Variants in HSPA1L observed in about 807,000 individuals in gnomAD.
HSPA1L encodes heat shock protein family A (Hsp70) member 1 like, also known as heat shock 70 kDa protein 1-like.
In HSPA1L, 21 loss-of-function variants were observed where a neutral mutation model predicts 31.5. The observed-to-expected ratio is 0.67, with a 90% CI of 0.47 to 0.96. The LOEUF is 0.96. Ranked by LOEUF, HSPA1L falls within the 40% of genes least tolerant of loss-of-function variation. The pLI, the probability that HSPA1L is intolerant of heterozygous loss-of-function variation, is 0.00. For synonymous variants in HSPA1L, 293 were observed against 323.1 expected (o/e 0.91, Z 1.00); for missense variants, 709 against 813.4 (o/e 0.87, Z 1.56).
Position 31,810,459 on chromosome 6 carries a change from ATGG to A in HSPA1L, c.1511_1513del (p.Thr504del), listed in dbSNP as rs1815327260. 21 of 1,613,922 alleles carry A rather than the reference ATGG, an allele frequency of 1.3e-5. No homozygotes were observed. The highest frequency in any genetic ancestry group is 1.8e-5 in the Non-Finnish European group (21 of 1,179,930). ...GCTCAGGCGGCCCTTGTCATTGGTG[ATGG>A]TGATCTTGTTCACCTTGCCGGTGCT... On this transcript the variant is annotated inframe_deletion, in exon 2 of 2. Transcript: ENST00000375654.
Position 31,811,094 on chromosome 6 carries a change from A to T in HSPA1L, c.879T>A (p.Ile293=). 6.2e-7 allele frequency: 1 copy of T among 1,614,202 alleles called. No individual in the cohort carries two copies. The highest frequency in any genetic ancestry group is 8.5e-7 in the Non-Finnish European group (1 of 1,180,034). The change falls in exon 2 of 2, where the codon ATT becomes ATA. Residue 293 remains isoleucine (I), a synonymous_variant. Coordinates refer to ENST00000375654, the MANE Select transcript of HSPA1L (RefSeq NM_005527.4). ...CTCTGGTGATGGATGTATAGAAGTC[A>T]ATGCCTTCATAAAGTGAATCAATTT... ...NLEIDSLYEG[I]DFYTSITRAR...
In HSPA1L at chr6:31,810,333, T is replaced by C. The variant is rs146531367; in HGVS notation, c.1640A>G (p.Tyr547Cys). 6.3e-7 allele frequency: 1 copy of C among 1,597,570 alleles called. No individual in the cohort carries two copies. Among genetic ancestry groups the C allele is most frequent in the African/African-American group, 1.3e-5 (1 of 74,258 alleles). Residue 547 changes from tyrosine to cysteine, a missense_variant, in exon 2 of 2, where the codon TAT becomes TGT. Physicochemically the swap from Tyr to Cys is radical, Grantham distance 194. Transcript: ENST00000375654. Reference sequence around the variant, plus strand: ...CACAACACTCTTCATGTTAAAAGCATAGGATTCTAAGGCATTCTTTGCAGC... The same window carrying C: ...CACAACACTCTTCATGTTAAAAGCACAGGATTCTAAGGCATTCTTTGCAGC... ...KIAAKNALES[Y>C]AFNMKSVVSD...
At position 31,810,996 on chromosome 6, in the gene HSPA1L, G is replaced by C. The variant is rs780995765; in HGVS notation, c.977C>G (p.Ala326Gly). The C allele has an allele frequency of 3.1e-6, 5 of 1,614,038 alleles. No homozygotes were observed. In the South Asian group the frequency reaches 3.3e-5, roughly 11 times the overall value. Residue 326 changes from alanine (A) to glycine (G), a missense_variant, in exon 2 of 2, where the codon GCC (alanine) becomes GGC (glycine). Ala to Gly is a moderately conservative substitution (Grantham distance 60). Transcript: ENST00000375654. Reference sequence around the variant, plus strand: ...ATGGATTTTAGCCTTATCCATCTTGGCATCCCGAAGCGCTTTTTCTACAGG... The same window carrying C: ...ATGGATTTTAGCCTTATCCATCTTGCCATCCCGAAGCGCTTTTTCTACAGG... ...LEPVEKALRDAKMDKAKIHDI... is the reference protein window; with the variant it reads ...LEPVEKALRDGKMDKAKIHDI...
Position 31,810,263 on chromosome 6 carries a change from ATTTTT to A in HSPA1L, c.1705_1709del (p.Lys569Ter), listed in dbSNP as rs567637853. 185 of 1,527,912 alleles carry A rather than the reference ATTTTT, an allele frequency of 1.2e-4. 1 individual carries two copies. In the South Asian group the frequency reaches 2.3e-3, roughly 19 times the overall value. 94.6% of individuals were successfully genotyped at this position (1,527,912 alleles called of 1,614,324 possible). On this transcript the variant is annotated frameshift_variant, in exon 2 of 2. Transcript: ENST00000375654. LOFTEE classifies it high-confidence loss of function. The stretch of plus-strand genomic sequence containing the variant: ...GCTCGTTGCATTTATCCAATATTTT[ATTTTT>A]ATCAGACTCACTAATCTTGCCCTTC...
chr6:31,810,015 G>A lies in HSPA1L; in HGVS notation c.*32C>T. The A allele has an allele frequency of 7.3e-7, 1 of 1,363,488 alleles. No individual in the cohort carries two copies. Among genetic ancestry groups the A allele is most frequent in the Non-Finnish European group, 9.6e-7 (1 of 1,046,528 alleles). 84.5% of individuals were successfully genotyped at this position (1,363,488 alleles called of 1,614,324 possible). A position where few individuals can be genotyped will look rare whatever the true frequency, so the allele number is the denominator to read the frequency against. The stretch of plus-strand genomic sequence containing the variant: ...ATGAGGGGAATGAAATACATGTAGA[G>A]GCATCCTAGGATGCTTCAGTTCTAA... On this transcript the variant is annotated 3_prime_UTR_variant, in exon 2 of 2. Coordinates refer to ENST00000375654, the MANE Select transcript of HSPA1L (RefSeq NM_005527.4).
In HSPA1L at chr6:31,814,897, C is replaced by T. The variant is rs2151468087; in HGVS notation, c.-22G>A. 2 of 985,612 alleles carry T rather than the reference C, an allele frequency of 2.0e-6. No homozygotes were observed. The highest frequency in any genetic ancestry group is 4.7e-5 in the South Asian group (1 of 21,310). The allele number at this position is 985,612 out of a possible 1,614,324, so 61.1% of individuals were successfully genotyped here. On this transcript the variant is annotated 5_prime_UTR_variant, in exon 1 of 2. Transcript: ENST00000375654. ...GATCCCTACTGGCTCACCTAGTCTC[C>T]CGACGCCTTCGCTTCAGTTTGGAAA...
chr6:31,810,376 C>T lies in HSPA1L; in HGVS notation c.1597G>A (p.Val533Ile). The change falls in exon 2 of 2, where the codon GTC (valine) becomes ATC (isoleucine). Residue 533 changes from valine (V) to isoleucine (I), a missense_variant. Coordinates refer to ENST00000375654, the MANE Select transcript of HSPA1L (RefSeq NM_005527.4). ...DAEKYKAEDE[V>I]QREKIAAKNA... The stretch of plus-strand genomic sequence containing the variant: ...TTTGCAGCAATTTTCTCCCTCTGGA[C>T]CTCATCTTCAGCTTTATATTTCTCA... 1 of 1,594,888 alleles carries T rather than the reference C, an allele frequency of 6.3e-7. No homozygotes were observed. Among genetic ancestry groups the T allele is most frequent in the South Asian group, 1.1e-5 (1 of 90,158 alleles).
chr6:31,814,986 G>A lies in HSPA1L; in HGVS notation c.-111C>T. 1.0e-6 allele frequency: 1 copy of A among 974,524 alleles called. No individual in the cohort carries two copies. The highest frequency in any genetic ancestry group is 1.2e-6 in the Non-Finnish European group (1 of 820,976). The allele number at this position is 974,524 out of a possible 1,614,324, so 60.4% of individuals were successfully genotyped here. Reference sequence around the variant, plus strand: ...CCCTCAATATCAAACTGCACAACCGGGGTCCCCCCACCCCCCACCCCGTCC... The same window carrying A: ...CCCTCAATATCAAACTGCACAACCGAGGTCCCCCCACCCCCCACCCCGTCC... On this transcript the variant is annotated 5_prime_UTR_variant, in exon 1 of 2. Coordinates refer to ENST00000375654, the MANE Select transcript of HSPA1L (RefSeq NM_005527.4).
chr6:31,810,347 A>G lies in HSPA1L; in HGVS notation c.1626T>C (p.Asn542=). 6.2e-7 allele frequency: 1 copy of G among 1,605,562 alleles called. No individual in the cohort carries two copies. Among genetic ancestry groups the G allele is most frequent in the Non-Finnish European group, 8.5e-7 (1 of 1,176,116 alleles). ...EVQREKIAAK[N]ALESYAFNMK... is the part of the protein sequence containing the mutation. The stretch of plus-strand genomic sequence containing the variant: ...TGTTAAAAGCATAGGATTCTAAGGC[A>G]TTCTTTGCAGCAATTTTCTCCCTCT... Residue 542 remains asparagine (N), a synonymous_variant, in exon 2 of 2, where the codon AAT becomes AAC. Transcript: ENST00000375654.
Position 31,811,721 on chromosome 6 carries a change from A to G in HSPA1L, c.252T>C (p.Val84=). 6.2e-7 allele frequency: 1 copy of G among 1,614,166 alleles called. No homozygotes were observed. Among genetic ancestry groups the G allele is most frequent in the Non-Finnish European group, 8.5e-7 (1 of 1,180,014 alleles). Residue 84 remains valine (V), a synonymous_variant, in exon 2 of 2, where the codon GTT becomes GTC. Transcript: ENST00000375654. The stretch of plus-strand genomic sequence containing the variant: ...GCCAAAGTTTCATATCTGCTTGTAC[A>G]ACAGGATCATTAAATTTCCTGCCGA... ...RLIGRKFNDP[V]VQADMKLWPF... is the part of the protein sequence containing the mutation.
rs1358783230 is a variant in HSPA1L at position 31,811,505 on chromosome 6, T to C, written c.468A>G (p.Gln156=). The stretch of plus-strand genomic sequence containing the variant: ...CACCTGCATCCTTAGTAGCCTGACG[T>C]TGAGAGTCATTGAAATAGGCTGGCA... ...ITVPAYFNDS[Q]RQATKDAGVI... is the part of the protein sequence containing the mutation. Residue 156 remains glutamine, a synonymous_variant, in exon 2 of 2, where the codon CAA becomes CAG. Transcript: ENST00000375654. 1.1e-5 allele frequency: 18 copies of C among 1,614,020 alleles called. No individual in the cohort carries two copies. The highest frequency in any genetic ancestry group is 1.4e-5 in the Non-Finnish European group (16 of 1,180,030).
At chr6:31,814,615 C>T (rs1203008528) in intron 1 of HSPA1L, among the ~76,000 whole-genome samples, 1 of 150,350 alleles carries the variant, frequency 6.7e-6, no homozygotes, top group African/African-American at 2.4e-5. Context: ...CTTTCCCCCG[C>T]TTCCCAGTTA....
rs1461620456 is a variant in HSPA1L at position 31,811,083 on chromosome 6, G to A, written c.890C>T (p.Thr297Ile). The part of the protein sequence containing the change: ...DSLYEGIDFY[T>I]SITRARFEEL... ...TTCAAATCGAGCTCTGGTGATGGAT[G>A]TATAGAAGTCAATGCCTTCATAAAG... Residue 297 changes from threonine to isoleucine, a missense_variant, in exon 2 of 2, where the codon ACA becomes ATA. Transcript: ENST00000375654. 3 of 1,614,216 alleles carry A rather than the reference G, an allele frequency of 1.9e-6. No individual in the cohort carries two copies. Among genetic ancestry groups the A allele is most frequent in the Non-Finnish European group, 2.5e-6 (3 of 1,180,038 alleles).
chr6:31,811,156 T>TGGCCCTCTC lies in HSPA1L; in HGVS notation c.808_816dup (p.Glu270_Ala272dup). 2 of 1,614,240 alleles carry TGGCCCTCTC rather than the reference T, an allele frequency of 1.2e-6. No individual in the cohort carries two copies. The highest frequency in any genetic ancestry group is 1.7e-6 in the Non-Finnish European group (2 of 1,180,046). Reference sequence around the variant, plus strand: ...TGGGTGCTGGACGACAGGGTCCTCTTGGCCCTCTCGCAGGCGGTGCGCAGC... The same window carrying TGGCCCTCTC: ...TGGGTGCTGGACGACAGGGTCCTCTTGGCCCTCTCGGCCCTCTCGCAGGCGGTGCGCAGC... On this transcript the variant is annotated inframe_insertion, in exon 2 of 2. Coordinates refer to ENST00000375654, the MANE Select transcript of HSPA1L (RefSeq NM_005527.4).
At chr6:31,814,366 G>T (rs1396384466) in intron 1 of HSPA1L, among the ~76,000 whole-genome samples, 2 of 151,882 alleles carry the variant, frequency 1.3e-5, no homozygotes, top group Non-Finnish European at 2.9e-5. Context: ...GCAATTAGCC[G>T]GGCGCGGTGG....
At position 31,811,571 on chromosome 6, in the gene HSPA1L, C is replaced by T; in HGVS notation, c.402G>A (p.Glu134=). 6.2e-7 allele frequency: 1 copy of T among 1,614,160 alleles called. No individual in the cohort carries two copies. The highest frequency in any genetic ancestry group is 1.7e-5 in the Admixed American group (1 of 60,020). ...TGGTGACAGGGTGGCCCAAAAAGGC[C>T]TCAGCAGTCTCCTTCAACTTAGTCA... ...MVLTKLKETA[E]AFLGHPVTNA... The change falls in exon 2 of 2, where the codon GAG becomes GAA. Residue 134 remains glutamate (E), a synonymous_variant. Coordinates refer to ENST00000375654, the MANE Select transcript of HSPA1L (RefSeq NM_005527.4).
chr6:31,811,553 A>C lies in HSPA1L; in HGVS notation c.420T>G (p.Pro140=). ...KETAEAFLGH[P]VTNAVITVPA... ...GCACGGTAATCACTGCATTGGTGACAGGGTGGCCCAAAAAGGCCTCAGCAG... is the reference window on the plus strand; with the variant it reads ...GCACGGTAATCACTGCATTGGTGACCGGGTGGCCCAAAAAGGCCTCAGCAG... The change falls in exon 2 of 2, where the codon CCT becomes CCG. Residue 140 remains proline, a synonymous_variant. Transcript: ENST00000375654. The C allele has an allele frequency of 6.2e-7, 1 of 1,614,180 alleles. No individual in the cohort carries two copies. The highest frequency in any genetic ancestry group is 1.1e-5 in the South Asian group (1 of 91,086).
In HSPA1L at chr6:31,811,591, TA is replaced by T. The variant is rs1815423497; in HGVS notation, c.381del (p.Lys128SerfsTer2). ...AAGGCCTCAGCAGTCTCCTTCAACT[TA>T]GTCAATACCATCGAAGAGATTTCCT... ...YPEEISSMVL[T>X]KLKETAEAFL... On this transcript the variant is annotated frameshift_variant, in exon 2 of 2. Transcript: ENST00000375654. LOFTEE classifies it high-confidence loss of function. 1 of 1,614,018 alleles carries T rather than the reference TA, an allele frequency of 6.2e-7. No homozygotes were observed. The highest frequency in any genetic ancestry group is 1.1e-5 in the South Asian group (1 of 91,086).
rs754849874 is a variant in HSPA1L, at chr6:31,811,784, C to A, written c.189G>T (p.Met63Ile). The A allele has an allele frequency of 6.2e-7, 1 of 1,614,178 alleles. No homozygotes were observed. The highest frequency in any genetic ancestry group is 2.2e-5 in the East Asian group (1 of 44,886). The change falls in exon 2 of 2, where the codon ATG (methionine) becomes ATT (isoleucine). Residue 63 changes from methionine to isoleucine, a missense_variant. Transcript: ENST00000375654. ...CATCAAAAACAGTGTTCTGGGGATTCATTGCTACCTGGTTCTTGGCCGCAT... is the reference window on the plus strand; with the variant it reads ...CATCAAAAACAGTGTTCTGGGGATTAATTGCTACCTGGTTCTTGGCCGCAT... ...IGDAAKNQVA[M>I]NPQNTVFDAK...
Sources: gnomAD v4.1 joint callset for allele counts (sites outside exome capture counted in the v4.1 genomes callset) on GRCh38, gnomAD v4.1.1 for gene constraint, MANE v1.5 for transcripts, NCBI Gene and HGNC (gene_info 2026-07-23, HGNC 2026-07-21) for gene names.